POU6F2: variants seen among roughly 807,000 people sequenced by gnomAD.
POU6F2 encodes POU domain, class 6, transcription factor 2.
A neutral mutation model predicts 71.3 loss-of-function variants in POU6F2; 31 were observed. The observed-to-expected ratio is 0.43, with a 90% CI of 0.33 to 0.59. The LOEUF is 0.59. POU6F2 is among the 20% of genes least tolerant of loss of function. The pLI, the probability that POU6F2 is intolerant of heterozygous loss-of-function variation, is 0.04. For synonymous variants in POU6F2, 347 were observed against 355.7 expected (o/e 0.98, Z 0.27); for missense variants, 783 against 856.8 (o/e 0.91, Z 1.07).
At chr7:39,219,370 G>A (rs971743742) in intron 4 of POU6F2, among the ~76,000 whole-genome samples, 6 of 152,090 alleles carry the variant, frequency 3.9e-5, no homozygotes, top group East Asian at 3.8e-4. Flanking sequence ...TTTAAAAAAC[G>A]TAGTTGTAGC....
intron 5 of POU6F2, among the ~76,000 whole-genome samples, chr7:39,351,582 C>T (rs183197845): frequency 1.3e-4 from 20 of 152,306 alleles, no homozygotes; most frequent in Admixed American, 1.2e-3. Context: ...GATGTTGTCT[C>T]ATCTAGTTTA....
At chr7:39,064,628 G>A (rs6979668) in intron 1 of POU6F2, among the ~76,000 whole-genome samples, 38,320 of 151,570 alleles carry the variant, frequency 0.25, 5,597 homozygotes, top group East Asian at 0.73. Flanking sequence ...ATTAATTATG[G>A]CAATAAACAT....
chr7:39,446,639 T>G (rs1353956188), intron 7 of POU6F2, among the ~76,000 whole-genome samples: 1 of 152,194 alleles, frequency 6.6e-6, no homozygotes, highest in Non-Finnish European at 1.5e-5. Context: ...ACCCTGGCAG[T>G]GCCAACCAGT....
intron 6 of POU6F2, among the ~76,000 whole-genome samples, chr7:39,421,122 A>G (rs1212999502): frequency 1.1e-4 from 16 of 152,112 alleles, no homozygotes; most frequent in Admixed American, 1.0e-3. Flanking sequence ...CAGATTGTTC[A>G]CCTATGAAAA....
intron 5 of POU6F2, among the ~76,000 whole-genome samples, chr7:39,362,540 T>C (rs1786411560): frequency 1.3e-5 from 2 of 152,206 alleles, no homozygotes; most frequent in Non-Finnish European, 2.9e-5. Flanking sequence ...AGTAAACTTC[T>C]GATCTACAGT....
rs145382433 is a variant in POU6F2, at chr7:39,144,954, C to T, written c.277+58923C>T. The stretch of plus-strand genomic sequence containing the variant: ...TGGCCCAGGTCATTATTGACTCATG[C>T]GGAATTTACAATTTACAGGCAAGAG... On this transcript the variant is annotated intron_variant, in intron 2 of 9. Transcript: ENST00000518318. 3.5e-3 allele frequency among the ~76,000 whole-genome samples: 532 copies of T among 152,214 alleles called. 3 individuals are homozygous for T. The highest frequency in any genetic ancestry group is 0.012 in the African/African-American group (502 of 41,534).
chr7:39,169,473 A>G (rs1056476460), intron 2 of POU6F2, among the ~76,000 whole-genome samples: 7 of 152,344 alleles, frequency 4.6e-5, no homozygotes, highest in African/African-American at 1.4e-4. Flanking sequence ...AAACCTGTTC[A>G]AAGGGAATAG....
intron 6 of POU6F2, among the ~76,000 whole-genome samples, chr7:39,429,763 C>T (rs1385457372): frequency 1.3e-5 from 2 of 152,192 alleles, no homozygotes; most frequent in African/African-American, 4.8e-5. Flanking sequence ...AAGTCAAACT[C>T]CAAAAGCATC....
chr7:39,163,232 A>G (rs973762008), intron 2 of POU6F2, among the ~76,000 whole-genome samples: 3 of 152,240 alleles, frequency 2.0e-5, no homozygotes, highest in Non-Finnish European at 4.4e-5. Context: ...CCCAAGAATC[A>G]TATCTAACCC....
At chr7:39,046,648 C>T (rs1052361387) in intron 1 of POU6F2, among the ~76,000 whole-genome samples, 1 of 151,844 alleles carries the variant, frequency 6.6e-6, no homozygotes, top group African/African-American at 2.4e-5. Flanking sequence ...GGGAGCCTGT[C>T]TTTTTCATTC....
intron 2 of POU6F2, among the ~76,000 whole-genome samples, chr7:39,116,685 G>C (rs1791936865): frequency 6.6e-6 from 1 of 152,108 alleles, no homozygotes; most frequent in Non-Finnish European, 1.5e-5. Context: ...TGGCTTGGGT[G>C]TTTGATGTCT....
intron 4 of POU6F2, among the ~76,000 whole-genome samples, chr7:39,305,286 C>T (rs1785028694): frequency 6.6e-6 from 1 of 152,234 alleles, no homozygotes; most frequent in African/African-American, 2.4e-5. Context: ...CAGGGGCATA[C>T]AATTAGGAAT....
chr7:39,423,327 C>T (rs1391863642), intron 6 of POU6F2, among the ~76,000 whole-genome samples: 1 of 152,186 alleles, frequency 6.6e-6, no homozygotes, highest in Non-Finnish European at 1.5e-5. Flanking sequence ...AGAGGATTTA[C>T]AGAATACTCC....
intron 6 of POU6F2, among the ~76,000 whole-genome samples, chr7:39,423,523 C>T (rs547266035): frequency 1.3e-3 from 196 of 152,240 alleles, no homozygotes; most frequent in Non-Finnish European, 2.2e-3. Context: ...TGAGCAAATG[C>T]ATGAATAAAA....
At chr7:38,986,116 T>TA (rs1213344629) in intron 1 of POU6F2, among the ~76,000 whole-genome samples, 1 of 152,144 alleles carries the variant, frequency 6.6e-6, no homozygotes, top group African/African-American at 2.4e-5. Flanking sequence ...TCTAATAATC[T>TA]AAAAATATTT....
intron 1 of POU6F2, among the ~76,000 whole-genome samples, chr7:39,079,396 C>A (rs1356373204): frequency 6.6e-6 from 1 of 151,940 alleles, no homozygotes; most frequent in Non-Finnish European, 1.5e-5. Context: ...CCAGACTGGT[C>A]TCGCAGTCCT....
chr7:39,093,928 G>A (rs549422307), intron 2 of POU6F2, among the ~76,000 whole-genome samples: 1 of 152,136 alleles, frequency 6.6e-6, no homozygotes, highest in African/African-American at 2.4e-5. Flanking sequence ...GCTTCAAATT[G>A]TCTTACTGAA....
At chr7:39,216,913 T>C (rs1794254180) in intron 4 of POU6F2, among the ~76,000 whole-genome samples, 1 of 151,338 alleles carries the variant, frequency 6.6e-6, no homozygotes, top group African/African-American at 2.5e-5. Context: ...CCCAATTGTT[T>C]AAAGGAAGCC....
chr7:39,176,913 C>T (rs1163957057), intron 2 of POU6F2, among the ~76,000 whole-genome samples: 2 of 152,058 alleles, frequency 1.3e-5, no homozygotes, highest in African/African-American at 4.8e-5. Context: ...ATAATGAAAC[C>T]ATTGGAAGGA....
Sources: gnomAD v4.1 joint callset for allele counts (sites outside exome capture counted in the v4.1 genomes callset) on GRCh38, gnomAD v4.1.1 for gene constraint, MANE v1.5 for transcripts, NCBI Gene and HGNC (gene_info 2026-07-23, HGNC 2026-07-21) for gene names.